The following MBP variants were observed in gnomAD, a reference collection of about 807,000 sequenced individuals.
The protein encoded by MBP is Golli-MBP.
A neutral mutation model predicts 35.8 loss-of-function variants in MBP; 16 were observed. The observed-to-expected ratio is 0.45, with a 90% CI of 0.30 to 0.68. The LOEUF (loss-of-function observed/expected upper bound fraction) is 0.68. Ranked by LOEUF, MBP falls within the 30% of genes least tolerant of loss-of-function variation. The pLI is 0.08. For synonymous variants in MBP, 143 were observed against 159.6 expected (o/e 0.90, Z 0.78); for missense variants, 380 against 404.7 (o/e 0.94, Z 0.52).
At chr18:77,077,417 T>G (rs2144889359) in intron 2 of MBP, among the ~76,000 whole-genome samples, 1 of 152,036 alleles carries the variant, frequency 6.6e-6, no homozygotes, top group African/African-American at 2.4e-5. Flanking sequence ...TGAAAATACT[T>G]TCCCCTGCAA....
intron 2 of MBP, among the ~76,000 whole-genome samples, chr18:77,078,342 C>T (rs1277305122): frequency 6.6e-6 from 1 of 152,200 alleles, no homozygotes; most frequent in Non-Finnish European, 1.5e-5. Context: ...TTCTACCACC[C>T]GCTCTCCCAG....
chr18:77,034,231 A>G (rs1408067167), intron 3 of MBP, among the ~76,000 whole-genome samples: 1 of 151,996 alleles, frequency 6.6e-6, no homozygotes, highest in East Asian at 1.9e-4. Context: ...ATGTCCAGAG[A>G]GTGGCCCCTG....
chr18:77,082,640 G>A (rs76512208), intron 2 of MBP, among the ~76,000 whole-genome samples: 17,517 of 150,948 alleles, frequency 0.12, 1,100 homozygotes, highest in Middle Eastern at 0.17. Flanking sequence ...CTGGGCATGC[G>A]GCTCAGGGAA....
chr18:77,081,105 A>T (rs1343648023), intron 2 of MBP, among the ~76,000 whole-genome samples: 1 of 152,230 alleles, frequency 6.6e-6, no homozygotes, highest in Non-Finnish European at 1.5e-5. Context: ...ACTCAGGAGT[A>T]GAGACTGACT....
intron 4 of MBP, among the ~76,000 whole-genome samples, chr18:77,009,321 C>T (rs543553758): frequency 1.1e-4 from 17 of 152,362 alleles, no homozygotes; most frequent in African/African-American, 3.6e-4. Flanking sequence ...ACTTCCTATG[C>T]AGAGCCCAGC....
chr18:77,052,705 G>A (rs898685209), intron 3 of MBP, among the ~76,000 whole-genome samples: 1 of 152,118 alleles, frequency 6.6e-6, no homozygotes, highest in Non-Finnish European at 1.5e-5. Flanking sequence ...CCATCCACAC[G>A]CTCACCTGGA....
At chr18:77,073,225 T>C (rs1037170720) in intron 2 of MBP, among the ~76,000 whole-genome samples, 1 of 152,148 alleles carries the variant, frequency 6.6e-6, no homozygotes. Context: ...TTTATATGTA[T>C]ATATATAAAA....
chr18:76,996,419 G>A (rs1179747262), intron 4 of MBP, among the ~76,000 whole-genome samples: 1 of 152,148 alleles, frequency 6.6e-6, no homozygotes, highest in Non-Finnish European at 1.5e-5. Flanking sequence ...ACCAGTACAT[G>A]AATGTTCATA....
intron 3 of MBP, among the ~76,000 whole-genome samples, chr18:77,046,058 A>G (rs1973244626): frequency 6.6e-6 from 1 of 152,258 alleles, no homozygotes; most frequent in African/African-American, 2.4e-5. Flanking sequence ...CTAGAAACTG[A>G]ATATATAACA....
At chr18:77,067,858 A>G (rs1974261895) in intron 2 of MBP, 2 of 512,062 alleles carry the variant, frequency 3.9e-6, no homozygotes, top group Non-Finnish European at 7.8e-6. Flanking sequence ...ACAGCCATTA[A>G]GACCACCCTG....
At chr18:76,993,237 G>C (rs1447573438) in intron 4 of MBP, among the ~76,000 whole-genome samples, 1 of 152,186 alleles carries the variant, frequency 6.6e-6, no homozygotes, top group Admixed American at 6.5e-5. Context: ...GAGAGGTTTT[G>C]AATGCATGAG....
chr18:76,987,004 CA>C, intron 7 of MBP: 16 of 985,348 alleles, frequency 1.6e-5, no homozygotes, highest in Non-Finnish European at 1.9e-5. Flanking sequence ...GACAAGCAGA[CA>C]AAATGCAGAG....
chr18:77,100,657 T>C (rs1344758624), intron 2 of MBP, among the ~76,000 whole-genome samples: 2 of 152,004 alleles, frequency 1.3e-5, no homozygotes, highest in African/African-American at 4.8e-5. Flanking sequence ...GCTCAGGTGA[T>C]CTTTCCACCT....
intron 3 of MBP, 196 bp downstream of exon 3, chr18:77,066,102 A>C: frequency 1.9e-6 from 1 of 527,070 alleles, no homozygotes; most frequent in South Asian, 3.2e-5. Context: ...GGCTCAAGCG[A>C]TCCTCTTGCA....
At chr18:77,094,622 C>T (rs1975682382) in intron 2 of MBP, among the ~76,000 whole-genome samples, 1 of 152,226 alleles carries the variant, frequency 6.6e-6, no homozygotes. Flanking sequence ...ATAAATGTGA[C>T]TGTATTTTTC....
chr18:77,114,049 A>C (rs1199953499), intron 1 of MBP: 2 of 152,332 alleles, frequency 1.3e-5, no homozygotes, highest in East Asian at 3.9e-4. Flanking sequence ...GCATTCACCC[A>C]TGTAAGAAGT....
intron 3 of MBP, among the ~76,000 whole-genome samples, chr18:77,033,491 A>G (rs1047509346): frequency 1.6e-4 from 24 of 152,030 alleles, no homozygotes; most frequent in African/African-American, 5.6e-4. Context: ...AATGTTTCTA[A>G]AACTACTCTG....
chr18:77,132,961 T>C (rs1454413638), upstream of MBP: 1 of 151,214 alleles, frequency 6.6e-6, no homozygotes, highest in African/African-American at 2.4e-5. Flanking sequence ...CACGCGGAAC[T>C]TGGGGGGCGC....
chr18:77,072,005 TC>T (rs569325735), intron 2 of MBP, among the ~76,000 whole-genome samples: 128 of 152,236 alleles, frequency 8.4e-4, no homozygotes, highest in Non-Finnish European at 1.5e-3. Flanking sequence ...AATCTTATAC[TC>T]GACTGACCTT....
Sources: allele counts gnomAD v4.1 joint callset (sites outside exome capture counted in the v4.1 genomes callset), GRCh38; gene constraint gnomAD v4.1.1; transcripts MANE v1.5; gene names NCBI Gene and HGNC (gene_info 2026-07-23, HGNC 2026-07-21).